The following KHDRBS2 variants were observed in gnomAD, a reference collection of about 807,000 sequenced individuals.
The protein encoded by KHDRBS2 is KH domain-containing, RNA-binding, signal transduction-associated protein 2.
In KHDRBS2, 26 loss-of-function variants were observed where a neutral mutation model predicts 44.3. The ratio of observed to expected loss-of-function variants is 0.59; its 90% CI spans 0.43 to 0.81. The LOEUF (loss-of-function observed/expected upper bound fraction) is 0.81, where lower values mean the gene tolerates loss of function less well. KHDRBS2 is among the 40% of genes least tolerant of loss of function. The pLI is 0.00. For missense variants in KHDRBS2, 476 were observed against 433.1 expected (o/e 1.10, Z -0.88); for synonymous variants, 194 against 151.1 (o/e 1.28, Z -2.08).
intron 2 of KHDRBS2, among the ~76,000 whole-genome samples, chr6:62,126,177 G>A (rs79682149): frequency 6.6e-6 from 1 of 152,126 alleles, no homozygotes; most frequent in Non-Finnish European, 1.5e-5. Context: ...GAGGCCGTGG[G>A]CCTTGAGTGA....
intron 4 of KHDRBS2, among the ~76,000 whole-genome samples, chr6:61,943,636 AC>A (rs67224707): frequency 0.32 from 48,184 of 151,902 alleles, 7,747 homozygotes; most frequent in East Asian, 0.4. Flanking sequence ...GATAACTGAA[AC>A]AAAAATAGTC....
At chr6:62,096,195 T>C (rs1800565424) in intron 2 of KHDRBS2, among the ~76,000 whole-genome samples, 1 of 151,918 alleles carries the variant, frequency 6.6e-6, no homozygotes, top group South Asian at 2.1e-4. Context: ...TATCCTTGTC[T>C]CATTTTGAAA....
intron 1 of KHDRBS2, among the ~76,000 whole-genome samples, chr6:62,189,622 A>T (rs192359156): frequency 6.6e-6 from 1 of 152,262 alleles, no homozygotes; most frequent in Admixed American, 6.6e-5. Flanking sequence ...GTTGTGAGGC[A>T]GTTGCACTAG....
At chr6:61,812,107 G>T (rs1414829607) in intron 6 of KHDRBS2, among the ~76,000 whole-genome samples, 3 of 151,592 alleles carry the variant, frequency 2.0e-5, no homozygotes, top group Non-Finnish European at 4.4e-5. Flanking sequence ...GTTGATACTA[G>T]TGGGTGCCCT....
intron 3 of KHDRBS2, among the ~76,000 whole-genome samples, chr6:62,038,468 A>T (rs1785781189): frequency 6.6e-6 from 1 of 152,098 alleles, no homozygotes; most frequent in Admixed American, 6.6e-5. Context: ...TCAAGTAAGG[A>T]ATGATTCAGA....
intron 1 of KHDRBS2, among the ~76,000 whole-genome samples, chr6:62,243,392 A>C (rs548253171): frequency 1.7e-4 from 26 of 152,210 alleles, no homozygotes; most frequent in Middle Eastern, 3.4e-3. Flanking sequence ...TTATTCCTAT[A>C]CAGCAGATAC....
chr6:61,829,125 G>T lies in KHDRBS2; in HGVS notation c.810+65510C>A, dbSNP rs115114205. Among the ~76,000 whole-genome samples the T allele has an allele frequency of 2.4e-3, 358 of 152,304 alleles. 1 individual carries two copies. The highest frequency in any genetic ancestry group is 8.2e-3 in the African/African-American group (340 of 41,562). Reference sequence around the variant, plus strand: ...TTTTAGTGTGTATATAGCTGACATTGTGTGCATGTGTGTGTGTAGTTGGGA... The same window carrying T: ...TTTTAGTGTGTATATAGCTGACATTTTGTGCATGTGTGTGTGTAGTTGGGA... On this transcript the variant is annotated intron_variant, in intron 6 of 8. Transcript: ENST00000281156.
chr6:61,593,331 G>C, the KHDRBS2 span, among the ~76,000 whole-genome samples: 37 of 152,250 alleles, frequency 2.4e-4, no homozygotes, highest in African/African-American at 8.4e-4. Context: ...TAGGAGAAAA[G>C]TTGGAAATGT....
At chr6:62,084,290 A>C (rs1309590457) in intron 2 of KHDRBS2, among the ~76,000 whole-genome samples, 1 of 152,214 alleles carries the variant, frequency 6.6e-6, no homozygotes, top group African/African-American at 2.4e-5. Flanking sequence ...CCTTCTGAAA[A>C]ATAAGAGACT....
At chr6:61,704,987 G>A (rs976297479) in intron 7 of KHDRBS2, among the ~76,000 whole-genome samples, 9 of 151,696 alleles carry the variant, frequency 5.9e-5, no homozygotes, top group Non-Finnish European at 1.2e-4. Context: ...CTACATTTAG[G>A]ATCCATAATT....
At chr6:62,099,423 G>A (rs1427010487) in intron 2 of KHDRBS2, among the ~76,000 whole-genome samples, 1 of 152,126 alleles carries the variant, frequency 6.6e-6, no homozygotes, top group Non-Finnish European at 1.5e-5. Context: ...GCAGTAGGAG[G>A]TGTCCTAAGC....
intron 4 of KHDRBS2, among the ~76,000 whole-genome samples, chr6:61,957,408 A>C (rs528423500): frequency 6.6e-6 from 1 of 152,318 alleles, no homozygotes; most frequent in African/African-American, 2.4e-5. Flanking sequence ...TTCTTTCAAA[A>C]GTAAATGGGA....
the KHDRBS2 span, among the ~76,000 whole-genome samples, chr6:61,641,123 C>A: frequency 6.6e-6 from 1 of 152,216 alleles, no homozygotes; most frequent in East Asian, 1.9e-4. Flanking sequence ...CTCTTCCCTC[C>A]ATTGTCAGAG....
At chr6:61,928,643 G>C (rs1809421143) in intron 4 of KHDRBS2, among the ~76,000 whole-genome samples, 1 of 151,938 alleles carries the variant, frequency 6.6e-6, no homozygotes, top group South Asian at 2.1e-4. Flanking sequence ...CATTTTAATA[G>C]AGTGGCACTG....
intron 6 of KHDRBS2, among the ~76,000 whole-genome samples, chr6:61,764,726 TTTG>T (rs1779746891): frequency 6.6e-6 from 1 of 152,060 alleles, no homozygotes; most frequent in South Asian, 2.1e-4. Flanking sequence ...AATAGAGTTG[TTTG>T]TTTTTTTTCT....
At chr6:62,143,308 A>G (rs1259412552) in intron 2 of KHDRBS2, among the ~76,000 whole-genome samples, 1 of 151,984 alleles carries the variant, frequency 6.6e-6, no homozygotes, top group Non-Finnish European at 1.5e-5. Context: ...GATTACACAT[A>G]TTTTGTATTG....
chr6:61,769,127 C>T lies in KHDRBS2; in HGVS notation c.811-36363G>A, dbSNP rs192953318. Among the ~76,000 whole-genome samples the T allele has an allele frequency of 9.9e-5, 15 of 152,146 alleles. No individual in the cohort carries two copies. The South Asian group carries it at 1.7e-3, about 17-fold the overall frequency. Reference sequence around the variant, plus strand: ...TTTAATATGTTGCATTTTAGGCTGACGTTAAATGAAAGTCACCTAAAATAT... The same window carrying T: ...TTTAATATGTTGCATTTTAGGCTGATGTTAAATGAAAGTCACCTAAAATAT... On this transcript the variant is annotated intron_variant, in intron 6 of 8. Coordinates refer to ENST00000281156, the MANE Select transcript of KHDRBS2 (RefSeq NM_152688.4).
At chr6:61,652,703 C>T in the KHDRBS2 span, among the ~76,000 whole-genome samples, 3 of 151,994 alleles carry the variant, frequency 2.0e-5, no homozygotes, top group Non-Finnish European at 4.4e-5. Context: ...GCCTAGCTCC[C>T]AGAATCCCTG....
In KHDRBS2 at chr6:62,093,213, C is replaced by T. The variant is rs1423423149; in HGVS notation, c.220-45219G>A. On this transcript the variant is annotated intron_variant, in intron 2 of 8. Transcript: ENST00000281156. ...AAGAAAATGGAGAAATTATCCTGAC[C>T]TTAGATAAAGTAAAAAAAAAAAAAA... Among the ~76,000 whole-genome samples, 5 of 149,876 alleles carry T rather than the reference C, an allele frequency of 3.3e-5. No homozygotes were observed. The South Asian group carries it at 8.4e-4, about 25-fold the overall frequency.
Sources: gnomAD v4.1 joint callset for allele counts (sites outside exome capture counted in the v4.1 genomes callset) on GRCh38, gnomAD v4.1.1 for gene constraint, MANE v1.5 for transcripts, NCBI Gene and HGNC (gene_info 2026-07-23, HGNC 2026-07-21) for gene names.